The following CAMK2D variants were observed in gnomAD, a reference collection of about 807,000 sequenced individuals.
The protein encoded by CAMK2D is calcium/calmodulin-dependent protein kinase type II subunit delta.
In CAMK2D, 37 loss-of-function variants were observed where a neutral mutation model predicts 84.0. The ratio of observed to expected loss-of-function variants is 0.44; its 90% CI spans 0.34 to 0.58. The LOEUF (loss-of-function observed/expected upper bound fraction) is 0.58, where lower values mean the gene tolerates loss of function less well. Ranked by LOEUF, CAMK2D falls within the 20% of genes least tolerant of loss-of-function variation. The pLI, the probability that CAMK2D is intolerant of heterozygous loss-of-function variation, is 0.02. For missense variants in CAMK2D, 448 were observed against 652.5 expected, an observed-to-expected ratio of 0.69 and a Z score of 3.41; for synonymous variants, 202 against 212.5, an observed-to-expected ratio of 0.95 and a Z score of 0.43.
intron 14 of CAMK2D, among the ~76,000 whole-genome samples, chr4:113,504,455 G>A (rs1284982361): frequency 6.6e-6 from 1 of 152,138 alleles, no homozygotes; most frequent in African/African-American, 2.4e-5. Context: ...ATTATCCAGT[G>A]CCTCTTTATC....
At chr4:113,517,311 A>G in intron 9 of CAMK2D, among the ~76,000 whole-genome samples, 1 of 152,190 alleles carries the variant, frequency 6.6e-6, no homozygotes, top group East Asian at 1.9e-4. Context: ...ACTAAGGTCC[A>G]AATATTTTGA....
chr4:113,734,845 T>C (rs1169064375), intron 2 of CAMK2D, among the ~76,000 whole-genome samples: 1 of 149,890 alleles, frequency 6.7e-6, no homozygotes, highest in Non-Finnish European at 1.5e-5. Context: ...TCTTCTAAAG[T>C]GTCTCAAAAA....
chr4:113,661,787 A>G lies in CAMK2D; in HGVS notation c.161-15T>C, dbSNP rs1261902869. On this transcript the variant is annotated splice_polypyrimidine_tract_variant and intron_variant, in intron 2 of 20. Transcript: ENST00000511664. ...TTTCTGATGATCTGTTAAAAAAAAA[A>G]ACAGAATAAGGCAAAAATAAAGCAA... 7.0e-7 allele frequency: 1 copy of G among 1,436,598 alleles called. No individual in the cohort carries two copies. Among genetic ancestry groups the G allele is most frequent in the African/African-American group, 1.4e-5 (1 of 69,674 alleles). 89.0% of individuals were successfully genotyped at this position (1,436,598 alleles called of 1,614,324 possible).
At chr4:113,699,500 T>C (rs1369870160) in intron 2 of CAMK2D, among the ~76,000 whole-genome samples, 1 of 152,140 alleles carries the variant, frequency 6.6e-6, no homozygotes, top group Non-Finnish European at 1.5e-5. Flanking sequence ...ACTACCACGT[T>C]TCTACTCTCT....
chr4:113,647,972 A>G (rs1251712109), intron 3 of CAMK2D, among the ~76,000 whole-genome samples: 2 of 152,228 alleles, frequency 1.3e-5, no homozygotes, highest in Admixed American at 6.5e-5. Flanking sequence ...TGGCACTACA[A>G]CTTTTAAATG....
chr4:113,614,573 TA>T, intron 3 of CAMK2D, among the ~76,000 whole-genome samples: 1 of 152,264 alleles, frequency 6.6e-6, no homozygotes, highest in South Asian at 2.1e-4. Flanking sequence ...CCTCTGAGGA[TA>T]AGAGATAATT....
At chr4:113,718,666 T>C (rs1412730819) in intron 2 of CAMK2D, among the ~76,000 whole-genome samples, 1 of 152,202 alleles carries the variant, frequency 6.6e-6, no homozygotes, top group Non-Finnish European at 1.5e-5. Context: ...AAGGGCTGTT[T>C]TCATCTTTGT....
At chr4:113,707,692 T>C (rs1444933399) in intron 2 of CAMK2D, among the ~76,000 whole-genome samples, 1 of 152,208 alleles carries the variant, frequency 6.6e-6, no homozygotes, top group Non-Finnish European at 1.5e-5. Flanking sequence ...TAAATATTAT[T>C]GAACACAGTC....
chr4:113,532,941 G>GT (rs1454429691), intron 7 of CAMK2D, among the ~76,000 whole-genome samples: 1 of 151,576 alleles, frequency 6.6e-6, no homozygotes, highest in Non-Finnish European at 1.5e-5. Flanking sequence ...GTTACCTACA[G>GT]TTCTCGGTGG....
intron 14 of CAMK2D, among the ~76,000 whole-genome samples, chr4:113,504,512 G>C (rs1245198079): frequency 6.6e-6 from 1 of 152,168 alleles, no homozygotes; most frequent in Non-Finnish European, 1.5e-5. Flanking sequence ...TAATAAGAGG[G>C]AAACGAGAAC....
At chr4:113,465,971 G>C (rs1334559619) in intron 16 of CAMK2D, among the ~76,000 whole-genome samples, 1 of 152,152 alleles carries the variant, frequency 6.6e-6, no homozygotes, top group Non-Finnish European at 1.5e-5. Context: ...TTTTACTAAG[G>C]CTGGGCAAAG....
chr4:113,644,920 G>C (rs183526659), intron 3 of CAMK2D, among the ~76,000 whole-genome samples: 4 of 152,200 alleles, frequency 2.6e-5, no homozygotes, highest in Non-Finnish European at 4.4e-5. Flanking sequence ...CTGTAGAGCA[G>C]GGGTCAGGAA....
chr4:113,608,642 G>A (rs2098987424), intron 4 of CAMK2D, among the ~76,000 whole-genome samples: 1 of 152,094 alleles, frequency 6.6e-6, no homozygotes, highest in Admixed American at 6.5e-5. Flanking sequence ...CCAACCATAT[G>A]TGTGGCCTGT....
At chr4:113,716,940 G>C (rs2099515489) in intron 2 of CAMK2D, among the ~76,000 whole-genome samples, 1 of 152,146 alleles carries the variant, frequency 6.6e-6, no homozygotes, top group Non-Finnish European at 1.5e-5. Context: ...TTGAACAAGT[G>C]AATAGTGTTC....
At chr4:113,582,028 T>C (rs996123525) in intron 4 of CAMK2D, among the ~76,000 whole-genome samples, 1 of 152,184 alleles carries the variant, frequency 6.6e-6, no homozygotes, top group Non-Finnish European at 1.5e-5. Context: ...TGGCTTCTTT[T>C]GCATAACTCA....
At chr4:113,649,268 T>G (rs1398448970) in intron 3 of CAMK2D, among the ~76,000 whole-genome samples, 23 of 152,166 alleles carry the variant, frequency 1.5e-4, no homozygotes, top group Non-Finnish European at 2.9e-5. Context: ...ACTAAATCTG[T>G]CCTAAAAAAC....
At chr4:113,496,649 A>C (rs1179450736) in intron 16 of CAMK2D, among the ~76,000 whole-genome samples, 3 of 151,820 alleles carry the variant, frequency 2.0e-5, no homozygotes, top group African/African-American at 7.3e-5. Context: ...GGGTTTCACC[A>C]TGTCGGTCAG....
At chr4:113,735,801 A>G (rs111248933) in intron 2 of CAMK2D, among the ~76,000 whole-genome samples, 3 of 152,182 alleles carry the variant, frequency 2.0e-5, no homozygotes, top group African/African-American at 7.2e-5. Context: ...CAGATAAAAG[A>G]CAAATGGCAT....
At chr4:113,631,424 AT>A (rs759115383) in intron 3 of CAMK2D, among the ~76,000 whole-genome samples, 4 of 152,190 alleles carry the variant, frequency 2.6e-5, no homozygotes, top group Non-Finnish European at 4.4e-5. Context: ...TACATTGATA[AT>A]TTTAAACATC....
Sources: allele counts gnomAD v4.1 joint callset (sites outside exome capture counted in the v4.1 genomes callset), GRCh38; gene constraint gnomAD v4.1.1; transcripts MANE v1.5; gene names NCBI Gene and HGNC (gene_info 2026-07-23, HGNC 2026-07-21).